Variants in AGAP1 observed in about 807,000 individuals in gnomAD.
The protein encoded by AGAP1 is arf-GAP with GTPase, ANK repeat and PH domain-containing protein 1.
A neutral mutation model predicts 105.3 loss-of-function variants in AGAP1; 29 were observed. The ratio of observed to expected loss-of-function variants is 0.28; its 90% CI spans 0.21 to 0.38. AGAP1 has a LOEUF of 0.38. Among genes scored for constraint, AGAP1 ranks in the 10% least tolerant of loss-of-function variants. The pLI is 1.00. For synonymous variants in AGAP1, 509 were observed against 485.9 expected (o/e 1.05, Z -0.63); for missense variants, 998 against 1,165.1 (o/e 0.86, Z 2.09).
intron 1 of AGAP1, among the ~76,000 whole-genome samples, chr2:235,617,757 C>T (rs1166310865): frequency 6.6e-6 from 1 of 152,080 alleles, no homozygotes; most frequent in Non-Finnish European, 1.5e-5. Context: ...TGCGGCCTGG[C>T]TAATAGTTTG....
intron 6 of AGAP1, among the ~76,000 whole-genome samples, chr2:235,778,228 G>A (rs926713244): frequency 1.1e-4 from 17 of 152,160 alleles, no homozygotes; most frequent in Non-Finnish European, 2.1e-4. Flanking sequence ...CATGTACCTT[G>A]TACGACCCTT....
intron 13 of AGAP1, among the ~76,000 whole-genome samples, chr2:235,991,580 C>A (rs2055565923): frequency 6.6e-6 from 1 of 152,178 alleles, no homozygotes. Flanking sequence ...TAAATCATTT[C>A]ATTTCGTATA....
At chr2:235,695,694 C>T (rs79711806) in intron 1 of AGAP1, among the ~76,000 whole-genome samples, 1,678 of 152,218 alleles carry the variant, frequency 0.011, 22 homozygotes, top group African/African-American at 0.038. Flanking sequence ...GGCAGAGGGC[C>T]GGGCGCAGTG....
At chr2:236,106,898 G>C (rs564819932) in intron 16 of AGAP1, among the ~76,000 whole-genome samples, 5 of 152,340 alleles carry the variant, frequency 3.3e-5, no homozygotes, top group African/African-American at 9.6e-5. Context: ...GGAGGTGGCT[G>C]CAGTCTACAA....
At chr2:235,838,571 T>A (rs1329373630) in intron 9 of AGAP1, among the ~76,000 whole-genome samples, 1 of 152,254 alleles carries the variant, frequency 6.6e-6, no homozygotes, top group East Asian at 1.9e-4. Context: ...TATGTATGTA[T>A]TAGCCACCAT....
chr2:235,884,706 G>A (rs527585270), intron 10 of AGAP1, among the ~76,000 whole-genome samples: 77 of 152,058 alleles, frequency 5.1e-4, no homozygotes, highest in African/African-American at 1.7e-3. Flanking sequence ...CGCCTGCCTC[G>A]GCCTCCCAAA....
At chr2:235,966,649 G>C (rs1428516085) in intron 12 of AGAP1, among the ~76,000 whole-genome samples, 3 of 152,138 alleles carry the variant, frequency 2.0e-5, no homozygotes, top group Non-Finnish European at 4.4e-5. Flanking sequence ...CACAAGGAGT[G>C]CACATGGTTG....
At position 235,553,313 on chromosome 2, in the gene AGAP1, G is replaced by T. The variant is rs1167741582; in HGVS notation, c.163+58464G>T. ...CCAACGACTGGACATCTGGGAGGCAGTGGGGGTCAGAGGAAGTTGGGTTTT... is the reference window on the plus strand; with the variant it reads ...CCAACGACTGGACATCTGGGAGGCATTGGGGGTCAGAGGAAGTTGGGTTTT... On this transcript the variant is annotated intron_variant, in intron 1 of 17. Transcript: ENST00000304032. The surrounding 1 kb of genome is among the most constrained non-coding windows in gnomAD (Gnocchi z 4.5). Among the ~76,000 whole-genome samples, 1 of 152,074 alleles carries T rather than the reference G, an allele frequency of 6.6e-6. No individual in the cohort carries two copies. The highest frequency in any genetic ancestry group is 1.5e-5 in the Non-Finnish European group (1 of 68,012).
In AGAP1 at chr2:235,981,329, C is replaced by T. The variant is rs1299760097; in HGVS notation, c.1645+12706C>T. Among the ~76,000 whole-genome samples, 2 of 152,074 alleles carry T rather than the reference C, an allele frequency of 1.3e-5. No homozygotes were observed. Among genetic ancestry groups the T allele is most frequent in the African/African-American group, 4.8e-5 (2 of 41,408 alleles). On this transcript the variant is annotated intron_variant, in intron 13 of 17. Transcript: ENST00000304032. The surrounding 1 kb of genome is among the most constrained non-coding windows in gnomAD (Gnocchi z 5.5). ...TCATTTGGGTCTTTCTTGCTTTCTT[C>T]AGGTAGGAATGATTTTCCCCTTCAG...
In AGAP1 at chr2:236,036,384, T is replaced by C. The variant is rs2057382181; in HGVS notation, c.1646-177T>C. On this transcript the variant is annotated intron_variant, in intron 13 of 17. Coordinates refer to ENST00000304032, the MANE Select transcript of AGAP1 (RefSeq NM_001037131.3). This position sits in a 1 kb window ranked among gnomAD's most constrained non-coding sequence, Gnocchi z 5.7. ...TCATGCTGGCCTTAGGAACCACATC[T>C]GGACTGTTGGGAGGTGCATGGATTC... Among the ~76,000 whole-genome samples, 1 of 152,176 alleles carries C rather than the reference T, an allele frequency of 6.6e-6. No homozygotes were observed. The highest frequency in any genetic ancestry group is 2.4e-5 in the African/African-American group (1 of 41,438).
chr2:235,540,454 C>T (rs928993159), intron 1 of AGAP1, among the ~76,000 whole-genome samples: 1 of 152,112 alleles, frequency 6.6e-6, no homozygotes, highest in Non-Finnish European at 1.5e-5. Context: ...TACCCAACCT[C>T]AATCCATTTC....
At chr2:236,030,112 T>G (rs1236550326) in intron 13 of AGAP1, among the ~76,000 whole-genome samples, 2 of 152,216 alleles carry the variant, frequency 1.3e-5, no homozygotes, top group Non-Finnish European at 1.5e-5. Context: ...CTTGAGGATA[T>G]CATTCCACTA....
At position 235,940,057 on chromosome 2, in the gene AGAP1, G is replaced by A. The variant is rs541271539; in HGVS notation, c.1483+9134G>A. Among the ~76,000 whole-genome samples, 10 of 152,272 alleles carry A rather than the reference G, an allele frequency of 6.6e-5. No individual in the cohort carries two copies. The South Asian group carries it at 1.5e-3, about 22-fold the overall frequency. ...AAGAACTCCAGCTTTCATCCAGAGC[G>A]TCTGTTTCTCACCCACCTTTTCACC... On this transcript the variant is annotated intron_variant, in intron 12 of 17. Transcript: ENST00000304032.
chr2:235,693,615 C>T (rs944075800), intron 1 of AGAP1, among the ~76,000 whole-genome samples: 1 of 152,056 alleles, frequency 6.6e-6, no homozygotes, highest in African/African-American at 2.4e-5. Context: ...CCTAGGTACT[C>T]GAAGCTGCGG....
intron 1 of AGAP1, among the ~76,000 whole-genome samples, chr2:235,516,053 C>CCG (rs1168557987): frequency 2.2e-5 from 3 of 138,168 alleles, no homozygotes; most frequent in Non-Finnish European, 4.7e-5. Context: ...CGCATGGGCT[C>CCG]CTCTGCTGCT....
chr2:235,878,108 TC>T (rs903922521), intron 9 of AGAP1, among the ~76,000 whole-genome samples: 4 of 152,064 alleles, frequency 2.6e-5, no homozygotes, highest in African/African-American at 9.7e-5. Flanking sequence ...AGGGCCATAT[TC>T]CCATGTCAGA....
At chr2:236,015,588 C>T (rs1260971070) in intron 13 of AGAP1, among the ~76,000 whole-genome samples, 2 of 151,742 alleles carry the variant, frequency 1.3e-5, no homozygotes, top group Admixed American at 1.3e-4. Context: ...TGTCAAGGGT[C>T]GGAATTACTT....
chr2:235,795,096 C>CT (rs947259030), intron 6 of AGAP1, among the ~76,000 whole-genome samples: 4 of 152,154 alleles, frequency 2.6e-5, no homozygotes, highest in African/African-American at 9.7e-5. Context: ...CATCCATTTT[C>CT]TTTGAGTTGT....
At chr2:235,942,003 G>C (rs1225902159) in intron 12 of AGAP1, among the ~76,000 whole-genome samples, 3 of 152,156 alleles carry the variant, frequency 2.0e-5, no homozygotes, top group Non-Finnish European at 4.4e-5. Context: ...CCAGAACTCA[G>C]CTCTCTCCCA....
Sources: gnomAD v4.1 joint callset for allele counts (sites outside exome capture counted in the v4.1 genomes callset) on GRCh38, gnomAD v4.1.1 for gene constraint, Gnocchi (gnomAD v3.1) non-coding constraint, MANE v1.5 for transcripts, NCBI Gene and HGNC (gene_info 2026-07-23, HGNC 2026-07-21) for gene names.